IQGAP1: variants seen among roughly 807,000 people sequenced by gnomAD.
The protein encoded by IQGAP1 is IQ motif containing GTPase activating protein 1.
IQGAP1 carries 66 observed loss-of-function variants against 215.6 expected under a neutral mutation model. The observed-to-expected ratio is 0.31, with a 90% CI of 0.25 to 0.38. The LOEUF (loss-of-function observed/expected upper bound fraction) is 0.38, where lower values mean the gene tolerates loss of function less well. Among genes scored for constraint, IQGAP1 ranks in the 10% least tolerant of loss-of-function variants. IQGAP1 has a pLI of 1.00. For synonymous variants in IQGAP1, 772 were observed against 728.7 expected (o/e 1.06, Z -0.96); for missense variants, 1,712 against 1,997.1 (o/e 0.86, Z 2.72).
At chr15:90,463,105 A>T (rs539227072) in intron 15 of IQGAP1, among the ~76,000 whole-genome samples, 1 of 152,134 alleles carries the variant, frequency 6.6e-6, no homozygotes, top group Non-Finnish European at 1.5e-5. Context: ...CATTCTGGTG[A>T]GGGGCTTTTC....
chr15:90,397,053 A>G (rs1295210315), intron 2 of IQGAP1, among the ~76,000 whole-genome samples: 2 of 152,038 alleles, frequency 1.3e-5, no homozygotes, highest in Non-Finnish European at 2.9e-5. Flanking sequence ...GGGTTTGACC[A>G]TGTTGGCCAG....
In IQGAP1 at chr15:90,453,441, G is replaced by A. The variant is rs147757655; in HGVS notation, c.1487+149G>A. 3.9e-3 allele frequency: 2,291 copies of A among 590,152 alleles called. 20 individuals are homozygous for A. The highest frequency in any genetic ancestry group is 2.8e-3 in the Non-Finnish European group (983 of 351,388). The allele number at this position is 590,152 out of a possible 1,614,324, so 36.6% of individuals were successfully genotyped here. A position where few individuals can be genotyped will look rare whatever the true frequency, so the allele number is the denominator to read the frequency against. The stretch of plus-strand genomic sequence containing the variant: ...TCTACTTTGATTCACTTAATTCTTT[G>A]TTATGCTGAAAAATATGACATTCCG... On this transcript the variant is annotated intron_variant, in intron 13 of 37. Coordinates refer to ENST00000268182, the MANE Select transcript of IQGAP1 (RefSeq NM_003870.4).
At chr15:90,455,160 G>T (rs1965660976) in intron 14 of IQGAP1, among the ~76,000 whole-genome samples, 1 of 152,212 alleles carries the variant, frequency 6.6e-6, no homozygotes, top group African/African-American at 2.4e-5. Context: ...CTGGCACATT[G>T]ACGTGTATCA....
In IQGAP1 at chr15:90,492,419, TAAAAAAAAAAAA is replaced by T. The variant is rs56724183; in HGVS notation, c.4462-115_4462-104del. On this transcript the variant is annotated intron_variant, in intron 34 of 37. Coordinates refer to ENST00000268182, the MANE Select transcript of IQGAP1 (RefSeq NM_003870.4). The stretch of plus-strand genomic sequence containing the variant: ...ACTCGAGCCTGGGCAACAGAGTGTC[TAAAAAAAAAAAA>T]AAAAAAAAAAGTAGGTAGTCATATT... 7.5e-5 allele frequency: 28 copies of T among 371,098 alleles called. 1 individual carries two copies. Among genetic ancestry groups the T allele is most frequent in the African/African-American group, 5.9e-4 (18 of 30,666 alleles). 23.0% of individuals were successfully genotyped at this position (371,098 alleles called of 1,614,324 possible). A position where few individuals can be genotyped will look rare whatever the true frequency, so the allele number is the denominator to read the frequency against.
chr15:90,397,241 A>G (rs1251637195), intron 2 of IQGAP1, among the ~76,000 whole-genome samples: 1 of 152,242 alleles, frequency 6.6e-6, no homozygotes, highest in South Asian at 2.1e-4. Context: ...CTATATTCTC[A>G]TAGTACGAAT....
chr15:90,388,942 TAAA>T (rs1027044677), intron 1 of IQGAP1, among the ~76,000 whole-genome samples: 2 of 151,030 alleles, frequency 1.3e-5, no homozygotes, highest in African/African-American at 4.9e-5. Flanking sequence ...AAAATAGTAA[TAAA>T]GAAAAAAAAA....
intron 9 of IQGAP1, among the ~76,000 whole-genome samples, chr15:90,447,273 A>G (rs1166574526): frequency 3.3e-5 from 5 of 152,204 alleles, no homozygotes; most frequent in Non-Finnish European, 5.9e-5. Context: ...GGAAGAAATA[A>G]ACAGTATCTT....
intron 37 of IQGAP1, among the ~76,000 whole-genome samples, chr15:90,498,858 G>GCAGTGCAATGGCACAATCTCGGCT (rs1966306627): frequency 6.9e-6 from 1 of 145,880 alleles, no homozygotes; most frequent in Non-Finnish European, 1.5e-5. Flanking sequence ...TGCCCAAGCT[G>GCAGTGCAATGGCACAATCTCGGCT]CAGTGCAATG....
rs1402789441 is a variant in IQGAP1, at chr15:90,483,486, C to T, written c.3681C>T (p.Ser1227=). Residue 1227 remains serine, a synonymous_variant, in exon 29 of 38, where the codon TCC becomes TCT. Coordinates refer to ENST00000268182, the MANE Select transcript of IQGAP1 (RefSeq NM_003870.4). ...LTTDQRRNLG[S]IAKMLQHAAS... ...CAGACCAACGCCGAAATCTGGGCTC[C>T]ATTGCAAAAATGCTTCAGCATGCTG... 16 of 1,614,164 alleles carry T rather than the reference C, an allele frequency of 9.9e-6. No individual in the cohort carries two copies. The highest frequency in any genetic ancestry group is 1.1e-5 in the South Asian group (1 of 91,080).
chr15:90,417,387 A>T (rs902946164), intron 2 of IQGAP1, among the ~76,000 whole-genome samples: 2 of 152,132 alleles, frequency 1.3e-5, no homozygotes, highest in East Asian at 3.8e-4. Flanking sequence ...TTTTTGTATA[A>T]CGTGTAAGGA....
intron 15 of IQGAP1, among the ~76,000 whole-genome samples, chr15:90,457,903 C>T (rs1965708660): frequency 6.6e-6 from 1 of 152,150 alleles, no homozygotes; most frequent in African/African-American, 2.4e-5. Flanking sequence ...TTAATTGAAA[C>T]GTAATTCACG....
intron 2 of IQGAP1, among the ~76,000 whole-genome samples, chr15:90,424,048 T>TA (rs1965186144): frequency 6.6e-6 from 1 of 152,112 alleles, no homozygotes; most frequent in African/African-American, 2.4e-5. Flanking sequence ...TTGGTACTGT[T>TA]ACGTGCTTGA....
At chr15:90,425,747 G>T (rs1018496462) in intron 2 of IQGAP1, among the ~76,000 whole-genome samples, 2 of 152,182 alleles carry the variant, frequency 1.3e-5, no homozygotes, top group African/African-American at 4.8e-5. Flanking sequence ...AGTTGAAATG[G>T]TGGCTTCAGT....
intron 23 of IQGAP1, 100 bp downstream of exon 23, chr15:90,474,793 C>A: frequency 3.4e-6 from 3 of 881,204 alleles, no homozygotes; most frequent in South Asian, 1.4e-5. Flanking sequence ...GGCTGACTTT[C>A]TCCTCAGCTA....
chr15:90,438,165 A>T (rs1882433763), intron 5 of IQGAP1, among the ~76,000 whole-genome samples: 1 of 152,106 alleles, frequency 6.6e-6, no homozygotes, highest in African/African-American at 2.4e-5. Context: ...TACCACTTTA[A>T]GTTTCTATGA....
chr15:90,481,809 A>T (rs1433037079), intron 26 of IQGAP1, 151 bp from the exon 27 acceptor site: 3 of 784,162 alleles, frequency 3.8e-6, no homozygotes, highest in African/African-American at 1.7e-5. Flanking sequence ...CTGCGTTCAG[A>T]TTCTAGACTT....
intron 1 of IQGAP1, among the ~76,000 whole-genome samples, chr15:90,390,075 C>A (rs559916114): frequency 7.2e-5 from 11 of 152,092 alleles, no homozygotes; most frequent in African/African-American, 2.7e-4. Context: ...GTGATGTAGA[C>A]TGCACAGTGG....
intron 5 of IQGAP1, among the ~76,000 whole-genome samples, chr15:90,435,229 T>G (rs1188047395): frequency 6.6e-6 from 1 of 152,112 alleles, no homozygotes; most frequent in Non-Finnish European, 1.5e-5. Flanking sequence ...GTAATCCCAG[T>G]GCTTTGGGAG....
intron 5 of IQGAP1, among the ~76,000 whole-genome samples, chr15:90,436,322 A>G (rs899290251): frequency 2.6e-5 from 4 of 152,170 alleles, no homozygotes; most frequent in African/African-American, 9.7e-5. Context: ...GGGATACTTT[A>G]TGATACCATA....
Sources: gnomAD v4.1 joint callset for allele counts (sites outside exome capture counted in the v4.1 genomes callset) on GRCh38, gnomAD v4.1.1 for gene constraint, MANE v1.5 for transcripts, NCBI Gene and HGNC (gene_info 2026-07-23, HGNC 2026-07-21) for gene names.